SI: variants seen among roughly 807,000 people sequenced by gnomAD.
SI encodes sucrase-isomaltase, intestinal.
A neutral mutation model predicts 253.3 loss-of-function variants in SI; 235 were observed. That is an observed-to-expected ratio of 0.93 (90% CI 0.83 to 1.03). The LOEUF is 1.03. Ranked by LOEUF, SI falls within the 50% of genes least tolerant of loss-of-function variation. SI has a pLI of 0.00. For missense variants in SI, 2,442 were observed against 2,211.1 expected (o/e 1.10, Z -2.09); for synonymous variants, 819 against 712.0 (o/e 1.15, Z -2.39).
upstream of SI, among the ~76,000 whole-genome samples, chr3:165,080,220 T>C (rs1357272809): frequency 2.0e-5 from 3 of 152,056 alleles, no homozygotes; most frequent in African/African-American, 7.2e-5. Flanking sequence ...CTCTGATAGA[T>C]TCAAGAGAAA....
chr3:164,999,362 T>A (rs1193006761), intron 37 of SI, among the ~76,000 whole-genome samples: 1 of 151,822 alleles, frequency 6.6e-6, no homozygotes, highest in African/African-American at 2.4e-5. Context: ...CATCTTCATC[T>A]GTTTTCTTCT....
Position 165,049,317 on chromosome 3 carries a change from G to A in SI, c.1598-73C>T, listed in dbSNP as rs1396938266. 4 of 853,896 alleles carry A rather than the reference G, an allele frequency of 4.7e-6. No individual in the cohort carries two copies. In the Admixed American group the frequency reaches 8.1e-5, roughly 17 times the overall value. 52.9% of individuals were successfully genotyped at this position (853,896 alleles called of 1,614,324 possible). A position where few individuals can be genotyped will look rare whatever the true frequency, so the allele number is the denominator to read the frequency against. On this transcript the variant is annotated intron_variant, in intron 14 of 47. Coordinates refer to ENST00000264382, the MANE Select transcript of SI (RefSeq NM_001041.4). ...AAGTTATATATTTTCCATCATAAAT[G>A]TCATATTCCTTTTCATTTGTGTTAT...
the SI span, among the ~76,000 whole-genome samples, chr3:165,089,072 T>C: frequency 1.3e-5 from 1 of 77,046 alleles, no homozygotes; most frequent in South Asian, 4.7e-4. Context: ...TACGGCCTTT[T>C]CTTTTTTCTT....
At chr3:164,994,124 A>T in intron 41 of SI, 133 bp downstream of exon 41, 1 of 738,960 alleles carries the variant, frequency 1.4e-6, no homozygotes, top group South Asian at 1.7e-5. Flanking sequence ...CTTTATTAAT[A>T]AAAAATGTGT....
chr3:164,991,507 T>G (rs752417900), intron 43 of SI, 30 bp from the exon 44 acceptor site: 1 of 1,612,568 alleles, frequency 6.2e-7, no homozygotes, highest in South Asian at 1.1e-5. Context: ...AAAGAACAGG[T>G]GGAGCAAGAA....
the SI span, among the ~76,000 whole-genome samples, chr3:165,085,466 T>C: frequency 2.0e-5 from 3 of 152,152 alleles, no homozygotes; most frequent in African/African-American, 7.2e-5. Flanking sequence ...GCACAAAATA[T>C]GGGTTCAATT....
At position 164,987,229 on chromosome 3, in the gene SI, A is replaced by G. The variant is rs202110241; in HGVS notation, c.5109-3T>C. 69 of 1,610,598 alleles carry G rather than the reference A, an allele frequency of 4.3e-5. 1 individual carries two copies. The Middle Eastern group carries it at 1.8e-3, about 42-fold the overall frequency. On this transcript the variant is annotated splice_region_variant and splice_polypyrimidine_tract_variant and intron_variant, in intron 44 of 47. Transcript: ENST00000264382. ...TGAGCTTCATGTGTTTTTGTCGACTATAAGAAAGAAATATATAATTTTACC... is the reference window on the plus strand; with the variant it reads ...TGAGCTTCATGTGTTTTTGTCGACTGTAAGAAAGAAATATATAATTTTACC...
chr3:165,028,088 G>A (rs1455455935), intron 25 of SI, among the ~76,000 whole-genome samples: 2 of 151,394 alleles, frequency 1.3e-5, no homozygotes, highest in Non-Finnish European at 3.0e-5. Flanking sequence ...GTTCAGCAAA[G>A]TTTTTGGATA....
intron 13 of SI, among the ~76,000 whole-genome samples, chr3:165,054,333 G>A (rs747028405): frequency 2.0e-5 from 3 of 151,966 alleles, no homozygotes; most frequent in Non-Finnish European, 2.9e-5. Context: ...AATAACTACA[G>A]ATACACAACT....
At chr3:165,019,799 C>T in intron 27 of SI, 29 bp from the exon 28 acceptor site, 3 of 1,600,266 alleles carry the variant, frequency 1.9e-6, no homozygotes, top group South Asian at 1.1e-5. Context: ...AAAGCTATGT[C>T]TGTCAAAATA....
At chr3:165,083,142 T>A (rs969440635), upstream of SI, among the ~76,000 whole-genome samples, 1 of 151,936 alleles carries the variant, frequency 6.6e-6, no homozygotes, top group Non-Finnish European at 1.5e-5. Flanking sequence ...AATCTAACCA[T>A]TAACAGCTAA....
At chr3:165,056,521 G>A (rs1445724317) in intron 12 of SI, among the ~76,000 whole-genome samples, 2 of 152,156 alleles carry the variant, frequency 1.3e-5, no homozygotes, top group Admixed American at 1.3e-4. Flanking sequence ...GTAGGAAAGA[G>A]AGTCTTGGAT....
At chr3:164,999,706 T>A (rs2108141284) in intron 37 of SI, among the ~76,000 whole-genome samples, 1 of 151,768 alleles carries the variant, frequency 6.6e-6, no homozygotes, top group South Asian at 2.1e-4. Flanking sequence ...TAATCTTCCT[T>A]GCATCCCTTA....
chr3:165,070,724 T>G (rs1405620588), intron 3 of SI, among the ~76,000 whole-genome samples: 1 of 152,042 alleles, frequency 6.6e-6, no homozygotes, highest in Non-Finnish European at 1.5e-5. Flanking sequence ...TAAAAATATA[T>G]AGTAAAATAG....
At chr3:165,067,242 G>A in intron 6 of SI, 98 bp downstream of exon 6, 3 of 952,972 alleles carry the variant, frequency 3.1e-6, no homozygotes, top group Non-Finnish European at 3.1e-6. Context: ...CCCTCTTTTG[G>A]GAGGAAATTT....
upstream of SI, among the ~76,000 whole-genome samples, chr3:165,082,525 A>G (rs1465425633): frequency 1.3e-5 from 2 of 151,884 alleles, no homozygotes; most frequent in East Asian, 1.9e-4. Context: ...TTAAAACCCT[A>G]TACCTTTCAT....
At chr3:165,026,568 G>A (rs921467150) in intron 25 of SI, among the ~76,000 whole-genome samples, 2 of 151,344 alleles carry the variant, frequency 1.3e-5, no homozygotes, top group African/African-American at 4.8e-5. Context: ...CTCCAAGATA[G>A]ACTGTATGAT....
intron 25 of SI, among the ~76,000 whole-genome samples, chr3:165,024,039 A>G (rs752679161): frequency 1.3e-5 from 2 of 151,476 alleles, no homozygotes; most frequent in Non-Finnish European, 3.0e-5. Flanking sequence ...TTTTAACTCA[A>G]AAAATAGCAT....
At chr3:165,074,729 T>G (rs1433969468) in intron 2 of SI, 62 bp from the exon 3 acceptor site, 1 of 1,340,232 alleles carries the variant, frequency 7.5e-7, no homozygotes, top group African/African-American at 1.4e-5. Context: ...CTCAGAATTA[T>G]CAAGTAATAA....
Sources: allele counts gnomAD v4.1 joint callset (sites outside exome capture counted in the v4.1 genomes callset), GRCh38; gene constraint gnomAD v4.1.1; transcripts MANE v1.5; gene names NCBI Gene and HGNC (gene_info 2026-07-23, HGNC 2026-07-21).